Variants in KDM4C observed in about 807,000 individuals in gnomAD.
The protein encoded by KDM4C is lysine-specific demethylase 4C.
KDM4C carries 81 observed loss-of-function variants against 129.3 expected under a neutral mutation model. The ratio of observed to expected loss-of-function variants is 0.63; its 90% CI spans 0.52 to 0.75. KDM4C has a LOEUF of 0.75. Ranked by LOEUF, KDM4C falls within the 30% of genes least tolerant of loss-of-function variation. The pLI, the probability that KDM4C is intolerant of heterozygous loss-of-function variation, is 0.00. For missense variants in KDM4C, 1,457 were observed against 1,304.0 expected, an observed-to-expected ratio of 1.12 and a Z score of -1.81; for synonymous variants, 573 against 456.1, an observed-to-expected ratio of 1.26 and a Z score of -3.26.
chr9:6,944,674 T>TTTTG (rs869298486), intron 8 of KDM4C, among the ~76,000 whole-genome samples: 1 of 148,218 alleles, frequency 6.7e-6, no homozygotes, highest in Admixed American at 6.7e-5. Context: ...TTTTTTTTTT[T>TTTTG]GCCTCTGTGC....
At chr9:7,136,720 A>G (rs1270634583) in intron 19 of KDM4C, among the ~76,000 whole-genome samples, 10 of 152,182 alleles carry the variant, frequency 6.6e-5, no homozygotes. Context: ...TAGTCTGTAC[A>G]TATCCTTTAT....
chr9:6,876,109 G>C (rs913885857), intron 5 of KDM4C, among the ~76,000 whole-genome samples: 4 of 152,160 alleles, frequency 2.6e-5, no homozygotes, highest in African/African-American at 9.7e-5. Flanking sequence ...ATTGTAATCA[G>C]CCTTTTATGT....
chr9:7,150,325 G>C (rs1366064890), intron 19 of KDM4C, among the ~76,000 whole-genome samples: 1 of 152,196 alleles, frequency 6.6e-6, no homozygotes, highest in Non-Finnish European at 1.5e-5. Context: ...TGGAGGAAGT[G>C]GCATGAGGAA....
At chr9:6,993,022 C>G (rs983980707) in intron 12 of KDM4C, among the ~76,000 whole-genome samples, 1 of 152,112 alleles carries the variant, frequency 6.6e-6, no homozygotes, top group Non-Finnish European at 1.5e-5. Context: ...TGCAGTGGCT[C>G]TTTGATACCC....
chr9:6,982,129 C>T (rs1816867881), intron 9 of KDM4C: 2 of 151,920 alleles, frequency 1.3e-5, no homozygotes, highest in South Asian at 2.1e-4. Flanking sequence ...ATTTAATCCC[C>T]TGTAGCTTGT....
chr9:7,026,844 C>T (rs1358992967), intron 15 of KDM4C, among the ~76,000 whole-genome samples: 1 of 151,860 alleles, frequency 6.6e-6, no homozygotes, highest in Non-Finnish European at 1.5e-5. Context: ...TCACTAGTTC[C>T]TTCTTCTGCT....
chr9:6,984,120 T>C, intron 9 of KDM4C, 46 bp from the exon 10 acceptor site: 1 of 1,203,786 alleles, frequency 8.3e-7, no homozygotes, highest in African/African-American at 1.5e-5. Context: ...GTTTTTCATA[T>C]CCATTGCAGA....
chr9:7,069,399 A>T (rs749071039), intron 17 of KDM4C, among the ~76,000 whole-genome samples: 15 of 152,178 alleles, frequency 9.9e-5, no homozygotes, highest in Non-Finnish European at 1.6e-4. Flanking sequence ...ACAAACTTTA[A>T]ATTTTAGGCC....
At chr9:6,871,419 A>C (rs1588850170) in intron 5 of KDM4C, among the ~76,000 whole-genome samples, 1 of 152,162 alleles carries the variant, frequency 6.6e-6, no homozygotes, top group Admixed American at 6.5e-5. Context: ...ATAAATCTTA[A>C]AAAAAATTTA....
intron 8 of KDM4C, among the ~76,000 whole-genome samples, chr9:6,967,250 C>A (rs1301203837): frequency 6.6e-6 from 1 of 151,912 alleles, no homozygotes; most frequent in Non-Finnish European, 1.5e-5. Flanking sequence ...ATGGTGAAAC[C>A]TCGTCTCTAT....
At chr9:6,825,722 C>T (rs1833767711) in intron 4 of KDM4C, among the ~76,000 whole-genome samples, 1 of 152,108 alleles carries the variant, frequency 6.6e-6, no homozygotes, top group South Asian at 2.1e-4. Flanking sequence ...TGGCCTATTG[C>T]TTTTGTTATC....
At position 6,760,585 on chromosome 9, in the gene KDM4C, T is replaced by TA. The variant is rs1318146505; in HGVS notation, c.-18+2382_-18+2383insA. Among the ~76,000 whole-genome samples the TA allele has an allele frequency of 1.3e-4, 19 of 148,798 alleles. No individual in the cohort carries two copies. The South Asian group carries it at 3.7e-3, about 29-fold the overall frequency. On this transcript the variant is annotated intron_variant, in intron 1 of 21. Transcript: ENST00000381309. Reference sequence around the variant, plus strand: ...TTATTTATTTATTTATTTATTTATTTTTTGAGACGAAGTCTCACTCTGTTG... The same window carrying TA: ...TTATTTATTTATTTATTTATTTATTTATTTGAGACGAAGTCTCACTCTGTTG...
chr9:6,949,129 CG>C (rs1270351694), intron 8 of KDM4C, among the ~76,000 whole-genome samples: 1 of 149,360 alleles, frequency 6.7e-6, no homozygotes, highest in Non-Finnish European at 1.5e-5. Flanking sequence ...ACTTCCCAGA[CG>C]GGGCGGCTGC....
intron 18 of KDM4C, among the ~76,000 whole-genome samples, chr9:7,107,719 T>G (rs1587679411): frequency 6.6e-6 from 1 of 152,234 alleles, no homozygotes; most frequent in Admixed American, 6.5e-5. Flanking sequence ...GCTGTTAACA[T>G]GGAGACAGAT....
intron 1 of KDM4C, among the ~76,000 whole-genome samples, chr9:6,728,621 C>A (rs1044180400): frequency 2.0e-5 from 3 of 149,428 alleles, no homozygotes; most frequent in African/African-American, 7.4e-5. Flanking sequence ...CAGAGGCGGG[C>A]GGATCACGAG....
chr9:6,753,257 A>C (rs1255659062), upstream of KDM4C, among the ~76,000 whole-genome samples: 1 of 152,076 alleles, frequency 6.6e-6, no homozygotes, highest in African/African-American at 2.4e-5. Flanking sequence ...CTTTTCTTCC[A>C]CCCTTATTTC....
At chr9:7,161,299 G>GC (rs1843760152) in intron 19 of KDM4C, among the ~76,000 whole-genome samples, 1 of 152,154 alleles carries the variant, frequency 6.6e-6, no homozygotes, top group Admixed American at 6.5e-5. Flanking sequence ...CTGAGGTGAT[G>GC]CCCCACCCTG....
At chr9:6,941,462 C>G (rs1445732800) in intron 8 of KDM4C, 2 of 151,906 alleles carry the variant, frequency 1.3e-5, no homozygotes, top group East Asian at 3.8e-4. Flanking sequence ...GTGCATTATC[C>G]TAAATTAAAT....
At chr9:6,773,265 G>A (rs1477883031) in intron 1 of KDM4C, among the ~76,000 whole-genome samples, 1 of 152,150 alleles carries the variant, frequency 6.6e-6, no homozygotes, top group Non-Finnish European at 1.5e-5. Context: ...GCCTTCCATT[G>A]TGCTGGAGTT....
Sources: allele counts gnomAD v4.1 joint callset (sites outside exome capture counted in the v4.1 genomes callset), GRCh38; gene constraint gnomAD v4.1.1; transcripts MANE v1.5; gene names NCBI Gene and HGNC (gene_info 2026-07-23, HGNC 2026-07-21).